LARP4: variants seen among roughly 807,000 people sequenced by gnomAD.
LARP4 encodes the protein la-related protein 4.
A neutral mutation model predicts 92.9 loss-of-function variants in LARP4; 29 were observed. That is an observed-to-expected ratio of 0.31 (90% confidence interval 0.23 to 0.43). The LOEUF (loss-of-function observed/expected upper bound fraction) is 0.43, where lower values mean the gene tolerates loss of function less well. LARP4 is among the 20% of genes least tolerant of loss of function. LARP4 has a pLI of 1.00. For missense variants in LARP4, 732 were observed against 860.0 expected (o/e 0.85, Z 1.86); for synonymous variants, 279 against 284.1 (o/e 0.98, Z 0.18).
In LARP4 at chr12:50,438,856, A is replaced by G. The variant is rs182399138; in HGVS notation, c.639+1018A>G. 3.3e-5 allele frequency among the ~76,000 whole-genome samples: 5 copies of G among 152,308 alleles called. No homozygotes were observed. In the East Asian group the frequency reaches 7.7e-4, roughly 24 times the overall value. On this transcript the variant is annotated intron_variant, in intron 6 of 15. Coordinates refer to ENST00000398473, the MANE Select transcript of LARP4 (RefSeq NM_052879.5). ...CCACAGAGCTTCATGTTAAGTTGCC[A>G]TGATAAGGTGATATACATTAAAGAA... is the stretch of plus-strand genomic sequence containing the variant.
intron 4 of LARP4, among the ~76,000 whole-genome samples, chr12:50,433,757 A>T (rs188989805): frequency 7.0e-4 from 106 of 151,706 alleles, no homozygotes; most frequent in Non-Finnish European, 1.4e-3. Flanking sequence ...CTTCTGATTC[A>T]GCCTCCCAAG....
At chr12:50,417,048 C>T (rs544323469) in intron 1 of LARP4, among the ~76,000 whole-genome samples, 20 of 152,252 alleles carry the variant, frequency 1.3e-4, no homozygotes, top group African/African-American at 4.8e-4. Flanking sequence ...TGATGAGATA[C>T]TTTTGGTACA....
intron 8 of LARP4, among the ~76,000 whole-genome samples, chr12:50,445,945 C>A (rs1026328147): frequency 6.6e-6 from 1 of 151,858 alleles, no homozygotes; most frequent in Non-Finnish European, 1.5e-5. Context: ...TTCTTTTTCA[C>A]CTGCAGTTCC....
chr12:50,443,703 C>T (rs1164043624), intron 8 of LARP4, among the ~76,000 whole-genome samples: 1 of 152,210 alleles, frequency 6.6e-6, no homozygotes, highest in Non-Finnish European at 1.5e-5. Context: ...CCTCCACCTC[C>T]TGGGTTCAAG....
At position 50,470,418 on chromosome 12, in the gene LARP4, ACTTT is replaced by A. The variant is rs539989087; in HGVS notation, c.1546-2976_1546-2973del. Among the ~76,000 whole-genome samples, 332 of 151,634 alleles carry A rather than the reference ACTTT, an allele frequency of 2.2e-3. No individual in the cohort carries two copies. In the Middle Eastern group the frequency reaches 0.027, roughly 13 times the overall value. The stretch of plus-strand genomic sequence containing the variant: ...AGATGATACACAAACACACATATAT[ACTTT>A]CTTTCTTTCTTTCTTTCTTTTTTTT... On this transcript the variant is annotated intron_variant, in intron 13 of 15. Coordinates refer to ENST00000398473, the MANE Select transcript of LARP4 (RefSeq NM_052879.5).
chr12:50,469,734 C>A (rs368598602), intron 13 of LARP4, among the ~76,000 whole-genome samples: 1 of 150,884 alleles, frequency 6.6e-6, no homozygotes, highest in African/African-American at 2.4e-5. Context: ...CGTGGTGAAA[C>A]CCCGTCTCTA....
intron 1 of LARP4, among the ~76,000 whole-genome samples, chr12:50,414,764 A>T (rs551462570): frequency 1.4e-3 from 209 of 152,354 alleles, no homozygotes; most frequent in African/African-American, 4.8e-3. Context: ...TTAAACTTTT[A>T]TAGTATTCCA....
chr12:50,423,371 T>G (rs1480983641), intron 1 of LARP4, among the ~76,000 whole-genome samples: 1 of 152,174 alleles, frequency 6.6e-6, no homozygotes, highest in East Asian at 1.9e-4. Context: ...TGCGTCGGTG[T>G]TTGTGTAGTA....
intron 13 of LARP4, among the ~76,000 whole-genome samples, chr12:50,472,030 T>C (rs1330139915): frequency 1.3e-5 from 2 of 152,228 alleles, no homozygotes; most frequent in Admixed American, 1.3e-4. Context: ...ATTTCATGCT[T>C]AGGAAATGAT....
intron 10 of LARP4, among the ~76,000 whole-genome samples, chr12:50,459,888 C>T (rs142370576): frequency 0.018 from 2,700 of 150,320 alleles, 41 homozygotes; most frequent in South Asian, 0.083. Flanking sequence ...CCTGTAATCC[C>T]GACACTTTGG....
At chr12:50,439,856 C>T (rs1040324431) in intron 6 of LARP4, among the ~76,000 whole-genome samples, 5 of 151,810 alleles carry the variant, frequency 3.3e-5, no homozygotes, top group Admixed American at 6.6e-5. Flanking sequence ...TTTCTGAATC[C>T]ATATAGCTGT....
At chr12:50,409,332 T>C (rs548391739) in intron 1 of LARP4, among the ~76,000 whole-genome samples, 10 of 152,254 alleles carry the variant, frequency 6.6e-5, no homozygotes, top group South Asian at 4.1e-4. Context: ...GTAATATTAA[T>C]ATCTATCACG....
At chr12:50,440,402 A>AT (rs772055692) in intron 6 of LARP4, 37 bp from the exon 7 acceptor site, 16 of 1,469,966 alleles carry the variant, frequency 1.1e-5, no homozygotes, top group South Asian at 1.0e-4. Flanking sequence ...TTATTGATGT[A>AT]TTTTTTAGAG....
chr12:50,460,907 G>A lies in LARP4; in HGVS notation c.1122-228G>A, dbSNP rs189834049. On this transcript the variant is annotated intron_variant, in intron 10 of 15. Coordinates refer to ENST00000398473, the MANE Select transcript of LARP4 (RefSeq NM_052879.5). The stretch of plus-strand genomic sequence containing the variant: ...GCAGTGAGCTGAGATGTGCCACTGC[G>A]CTCCAGCCTGGGCAACAGAGCGAGA... Among the ~76,000 whole-genome samples, 277 of 152,214 alleles carry A rather than the reference G, an allele frequency of 1.8e-3. 4 individuals carry two copies. The highest frequency in any genetic ancestry group is 4.1e-3 in the African/African-American group (171 of 41,540).
chr12:50,404,607 T>TCTCGCTCTGAGACCGAGG (rs1944446573), intron 1 of LARP4, among the ~76,000 whole-genome samples: 1 of 151,866 alleles, frequency 6.6e-6, no homozygotes, highest in Admixed American at 6.6e-5. Context: ...TGAGACCGAG[T>TCTCGCTCTGAGACCGAGG]CTCGCTCTGA....
At chr12:50,442,906 A>G (rs1343242311) in intron 8 of LARP4, among the ~76,000 whole-genome samples, 1 of 152,198 alleles carries the variant, frequency 6.6e-6, no homozygotes, top group African/African-American at 2.4e-5. Flanking sequence ...ATTAGTTTCC[A>G]TATTACAGAT....
intron 1 of LARP4, among the ~76,000 whole-genome samples, chr12:50,426,684 G>GGGGGGTGTGT (rs774548049): frequency 5.8e-5 from 5 of 86,168 alleles, no homozygotes; most frequent in South Asian, 5.7e-4. Flanking sequence ...TTATGTTTGG[G>GGGGGGTGTGT]GTGTGTGTGT....
At chr12:50,421,139 C>CAG (rs10674791) in intron 1 of LARP4, 173,511 of 176,414 alleles carry the variant, frequency 0.98, 85,392 homozygotes, top group East Asian at 1. Flanking sequence ...TTAGTAGAGA[C>CAG]GGTTTCGCTG....
intron 13 of LARP4, among the ~76,000 whole-genome samples, chr12:50,468,180 A>G (rs904058830): frequency 1.3e-5 from 2 of 151,998 alleles, no homozygotes; most frequent in Non-Finnish European, 1.5e-5. Flanking sequence ...GGGTTTCTCC[A>G]TGTTGGCCAG....
Sources: gnomAD v4.1 joint callset for allele counts (sites outside exome capture counted in the v4.1 genomes callset) on GRCh38, gnomAD v4.1.1 for gene constraint, MANE v1.5 for transcripts, NCBI Gene and HGNC (gene_info 2026-07-23, HGNC 2026-07-21) for gene names.